Variants in PCED1B observed in about 807,000 individuals in gnomAD.
The protein encoded by PCED1B is PC-esterase domain-containing protein 1B.
For synonymous variants in PCED1B, 251 were observed against 246.1 expected (o/e 1.02, Z -0.19); for missense variants, 573 against 573.9 (o/e 1.00, Z 0.02).
At chr12:47,127,371 T>TTC (rs977002439) in intron 2 of PCED1B, among the ~76,000 whole-genome samples, 1 of 58,594 alleles carries the variant, frequency 1.7e-5, no homozygotes, top group African/African-American at 6.9e-5. Context: ...TTTTATTTCT[T>TTC]TTTTTTTTTT....
At chr12:47,190,113 CA>C (rs1304708962) in intron 2 of PCED1B, among the ~76,000 whole-genome samples, 3 of 152,180 alleles carry the variant, frequency 2.0e-5, no homozygotes, top group Non-Finnish European at 4.4e-5. Flanking sequence ...ACTCTATTTG[CA>C]TAGTGTTTTG....
chr12:47,207,311 G>A (rs1942940814), intron 2 of PCED1B, among the ~76,000 whole-genome samples: 1 of 152,220 alleles, frequency 6.6e-6, no homozygotes, highest in African/African-American at 2.4e-5. Flanking sequence ...GATTGGTTGA[G>A]ATGAAGTAAG....
At chr12:47,190,127 A>G (rs1392490107) in intron 2 of PCED1B, among the ~76,000 whole-genome samples, 4 of 152,214 alleles carry the variant, frequency 2.6e-5, no homozygotes, top group Admixed American at 2.6e-4. Flanking sequence ...GTGTTTTGTT[A>G]TTTAGGAAAT....
At chr12:47,172,340 C>CT (rs34230051) in intron 2 of PCED1B, among the ~76,000 whole-genome samples, 21,573 of 78,260 alleles carry the variant, frequency 0.28, 3,403 homozygotes, top group East Asian at 0.42. Context: ...TCGTGGGTTG[C>CT]TTTTTTTTTT....
intron 1 of PCED1B, among the ~76,000 whole-genome samples, chr12:47,091,434 A>G (rs1938260845): frequency 6.6e-6 from 1 of 152,000 alleles, no homozygotes; most frequent in Non-Finnish European, 1.5e-5. Flanking sequence ...TTTTTTAATC[A>G]TATATATGTG....
At chr12:47,091,870 T>C (rs969554737) in intron 1 of PCED1B, among the ~76,000 whole-genome samples, 1 of 152,158 alleles carries the variant, frequency 6.6e-6, no homozygotes, top group African/African-American at 2.4e-5. Flanking sequence ...GGTCTACTTC[T>C]GGATTCCCTG....
At chr12:47,080,540 A>G (rs1400960062) in intron 1 of PCED1B, among the ~76,000 whole-genome samples, 3 of 152,088 alleles carry the variant, frequency 2.0e-5, no homozygotes, top group Non-Finnish European at 4.4e-5. Flanking sequence ...CTCCACAGGG[A>G]TATCTGCTGG....
At chr12:47,115,553 C>T (rs974601899) in intron 2 of PCED1B, among the ~76,000 whole-genome samples, 6 of 152,106 alleles carry the variant, frequency 3.9e-5, no homozygotes, top group African/African-American at 1.4e-4. Flanking sequence ...GCCCTCCTCC[C>T]TCTTCTCCTT....
At position 47,168,813 on chromosome 12, in the gene PCED1B, T is replaced by G. The variant is rs147903232; in HGVS notation, c.-525-47409T>G. The stretch of plus-strand genomic sequence containing the variant: ...AGTGTTGTTGTTTTTTCATAAGTAT[T>G]TAGAATTTTTGTCATTCTTTTTTTC... On this transcript the variant is annotated intron_variant, in intron 2 of 3. Coordinates refer to ENST00000546455, the MANE Select transcript of PCED1B (RefSeq NM_138371.3). 1.4e-3 allele frequency among the ~76,000 whole-genome samples: 210 copies of G among 152,324 alleles called. 2 individuals carry two copies. The East Asian group carries it at 0.035, about 25-fold the overall frequency.
At position 47,089,473 on chromosome 12, in the gene PCED1B, T is replaced by C. The variant is rs368559326; in HGVS notation, c.-609+9748T>C. The stretch of plus-strand genomic sequence containing the variant: ...AAAAAAAAAAATACATATATATATA[T>C]ATATATATATATATATATATGTATA... On this transcript the variant is annotated intron_variant, in intron 1 of 3. Coordinates refer to ENST00000546455, the MANE Select transcript of PCED1B (RefSeq NM_138371.3). Among the ~76,000 whole-genome samples, 918 of 92,828 alleles carry C rather than the reference T, an allele frequency of 9.9e-3. 17 individuals are homozygous for C. Among genetic ancestry groups the C allele is most frequent in the African/African-American group, 0.033 (770 of 23,562 alleles). 60.9% of individuals were successfully genotyped at this position (92,828 alleles called of 152,430 possible).
intron 1 of PCED1B, among the ~76,000 whole-genome samples, chr12:47,087,455 T>C (rs1295676527): frequency 1.3e-5 from 2 of 152,130 alleles, no homozygotes; most frequent in Non-Finnish European, 2.9e-5. Context: ...ATTTAGGGAG[T>C]AGCAAGGTCA....
intron 1 of PCED1B, among the ~76,000 whole-genome samples, chr12:47,090,221 T>G (rs145379698): frequency 2.0e-5 from 3 of 152,162 alleles, no homozygotes; most frequent in Non-Finnish European, 4.4e-5. Context: ...TATGGTAGAA[T>G]GATGATCACA....
At chr12:47,169,376 G>GT (rs1565579507) in intron 2 of PCED1B, among the ~76,000 whole-genome samples, 3 of 151,926 alleles carry the variant, frequency 2.0e-5, no homozygotes, top group African/African-American at 7.3e-5. Flanking sequence ...GTCTTATGTC[G>GT]TATTTCAGGG....
At chr12:47,183,584 C>A (rs1179355916) in intron 2 of PCED1B, among the ~76,000 whole-genome samples, 1 of 152,046 alleles carries the variant, frequency 6.6e-6, no homozygotes, top group Non-Finnish European at 1.5e-5. Flanking sequence ...GCTACAGAAC[C>A]ATTTCTTTTT....
chr12:47,186,481 AG>A (rs942675969), intron 2 of PCED1B, among the ~76,000 whole-genome samples: 13 of 151,616 alleles, frequency 8.6e-5, no homozygotes, highest in African/African-American at 2.7e-4. Flanking sequence ...AGGGGGGTAG[AG>A]GGGGGCACTT....
chr12:47,236,313 G>T lies in PCED1B; in HGVS notation c.1250G>T (p.Arg417Leu), dbSNP rs753668115. The stretch of plus-strand genomic sequence containing the variant: ...TATACGCCCTGGGGACAGCGGCCTC[G>T]ACCTTCAAAGAGAAGGGCCCCAGCC... ...GPYTPWGQRPRPSKRRAPANP... is the reference protein window; with the variant it reads ...GPYTPWGQRPLPSKRRAPANP... Residue 417 changes from arginine to leucine, a missense_variant, in exon 4 of 4, where the codon CGA (arginine) becomes CTA (leucine). Transcript: ENST00000546455. 22 of 1,612,184 alleles carry T rather than the reference G, an allele frequency of 1.4e-5. No homozygotes were observed. Among genetic ancestry groups the T allele is most frequent in the Non-Finnish European group, 1.9e-5 (22 of 1,179,244 alleles).
chr12:47,202,611 A>AAAAAAAAAG (rs1565598796), intron 2 of PCED1B, among the ~76,000 whole-genome samples: 14 of 150,078 alleles, frequency 9.3e-5, no homozygotes, highest in African/African-American at 3.4e-4. Context: ...AAAAAAAAAA[A>AAAAAAAAAG]AAAAAAAAGA....
chr12:47,205,548 A>G (rs182361283), intron 2 of PCED1B, among the ~76,000 whole-genome samples: 1 of 152,340 alleles, frequency 6.6e-6, no homozygotes, highest in African/African-American at 2.4e-5. Flanking sequence ...AGTTCCTGCC[A>G]AAGTTAGTTC....
chr12:47,194,509 GA>G (rs1942542235), intron 2 of PCED1B, among the ~76,000 whole-genome samples: 1 of 152,152 alleles, frequency 6.6e-6, no homozygotes. Context: ...AACTAATTTA[GA>G]ACCACAAATG....
Sources: allele counts gnomAD v4.1 joint callset (sites outside exome capture counted in the v4.1 genomes callset), GRCh38; gene constraint gnomAD v4.1.1; transcripts MANE v1.5; gene names NCBI Gene and HGNC (gene_info 2026-07-23, HGNC 2026-07-21).